GRID2: variants seen among roughly 807,000 people sequenced by gnomAD.
GRID2 encodes glutamate receptor ionotropic, delta-2.
In GRID2, 33 loss-of-function variants were observed where a neutral mutation model predicts 114.8. That is an observed-to-expected ratio of 0.29 (90% confidence interval 0.22 to 0.38). GRID2 has a LOEUF of 0.38. Ranked by LOEUF, GRID2 falls within the 10% of genes least tolerant of loss-of-function variation. The probability of loss-of-function intolerance (pLI) is 1.00; values close to 1 mark genes in which losing one functional copy is unlikely to be tolerated. For missense variants in GRID2, 1,184 were observed against 1,257.7 expected (o/e 0.94, Z 0.89); for synonymous variants, 505 against 449.9 (o/e 1.12, Z -1.55).
intron 13 of GRID2, among the ~76,000 whole-genome samples, chr4:93,593,994 G>A (rs573427484): frequency 6.6e-6 from 1 of 151,746 alleles, no homozygotes; most frequent in Non-Finnish European, 1.5e-5. Context: ...TTTGCCTTTG[G>A]TTTGAATGTC....
intron 4 of GRID2, among the ~76,000 whole-genome samples, chr4:93,116,352 AG>A (rs1733256428): frequency 6.6e-6 from 1 of 152,170 alleles, no homozygotes; most frequent in African/African-American, 2.4e-5. Context: ...CTTGACTAAA[AG>A]TTGGCTTTAT....
At chr4:93,043,856 A>G (rs1221743614) in intron 2 of GRID2, among the ~76,000 whole-genome samples, 1 of 152,106 alleles carries the variant, frequency 6.6e-6, no homozygotes, top group African/African-American at 2.4e-5. Flanking sequence ...TGGCACATGT[A>G]TACATATGTA....
chr4:93,592,331 G>A lies in GRID2; in HGVS notation c.2194-33938G>A, dbSNP rs1054934457. Among the ~76,000 whole-genome samples the A allele has an allele frequency of 2.6e-5, 4 of 152,280 alleles. No individual in the cohort carries two copies. The East Asian group carries it at 5.8e-4, about 22-fold the overall frequency. ...CGTTATGTACCCAGTAGTCATTCAG[G>A]AGGAGGTTGTTCAGTTTCCATGTAG... On this transcript the variant is annotated intron_variant, in intron 13 of 15. Coordinates refer to ENST00000282020, the MANE Select transcript of GRID2 (RefSeq NM_001510.4).
At chr4:92,482,006 AT>A (rs1722629143) in intron 1 of GRID2, among the ~76,000 whole-genome samples, 4 of 62,350 alleles carry the variant, frequency 6.4e-5, no homozygotes, top group South Asian at 1.0e-3. Context: ...ATATATATAT[AT>A]ATATATATAT....
At chr4:92,523,019 G>A (rs1724865163) in intron 1 of GRID2, among the ~76,000 whole-genome samples, 1 of 151,790 alleles carries the variant, frequency 6.6e-6, no homozygotes, top group African/African-American at 2.4e-5. Flanking sequence ...AGTTCTGAAA[G>A]AATAAAAGAC....
chr4:92,431,820 G>T (rs1230770082), intron 1 of GRID2, among the ~76,000 whole-genome samples: 1 of 152,140 alleles, frequency 6.6e-6, no homozygotes. Flanking sequence ...TGAAGAGTTA[G>T]GTATTTATTG....
chr4:92,705,568 A>G (rs1017121496), intron 2 of GRID2, among the ~76,000 whole-genome samples: 2 of 152,220 alleles, frequency 1.3e-5, no homozygotes, highest in African/African-American at 4.8e-5. Flanking sequence ...AATGTTAGAA[A>G]TAAAAAGAAA....
chr4:92,941,885 G>T (rs1218766507), intron 2 of GRID2, among the ~76,000 whole-genome samples: 1 of 152,174 alleles, frequency 6.6e-6, no homozygotes, highest in Non-Finnish European at 1.5e-5. Flanking sequence ...GGTTTTGAGT[G>T]ACTTTCTTCA....
intron 8 of GRID2, among the ~76,000 whole-genome samples, chr4:93,249,279 GT>G (rs1215185180): frequency 6.6e-6 from 1 of 152,110 alleles, no homozygotes; most frequent in Non-Finnish European, 1.5e-5. Flanking sequence ...CTGTAAACTG[GT>G]AGTATAGTTT....
chr4:93,629,476 A>T (rs1413912980), intron 14 of GRID2, among the ~76,000 whole-genome samples: 1 of 152,180 alleles, frequency 6.6e-6, no homozygotes, highest in Admixed American at 6.6e-5. Flanking sequence ...AAATTCAGAA[A>T]ATATTTGCAT....
At chr4:93,290,872 C>CT (rs56735687) in intron 8 of GRID2, among the ~76,000 whole-genome samples, 41,404 of 88,604 alleles carry the variant, frequency 0.47, 11,091 homozygotes, top group Middle Eastern at 0.69. Context: ...ATACAAGTTA[C>CT]TTTTTTTTTT....
At chr4:93,666,352 G>GA (rs980396984) in intron 14 of GRID2, among the ~76,000 whole-genome samples, 3 of 151,898 alleles carry the variant, frequency 2.0e-5, no homozygotes, top group African/African-American at 7.2e-5. Flanking sequence ...CAAAATGAAA[G>GA]AAAAAACTGG....
chr4:92,886,338 G>T (rs75258528), intron 2 of GRID2, among the ~76,000 whole-genome samples: 1 of 151,900 alleles, frequency 6.6e-6, no homozygotes, highest in Non-Finnish European at 1.5e-5. Flanking sequence ...GAAATATTGC[G>T]AGAATCACCA....
chr4:93,125,914 T>C (rs931249174), intron 4 of GRID2, among the ~76,000 whole-genome samples: 4 of 152,222 alleles, frequency 2.6e-5, no homozygotes, highest in African/African-American at 9.6e-5. Flanking sequence ...TCCTTTCTCA[T>C]GGAAGATGTC....
At chr4:93,328,686 CATGGATGGATGGATGGATGGTTGG>C (rs1208355800) in intron 8 of GRID2, among the ~76,000 whole-genome samples, 28 of 149,282 alleles carry the variant, frequency 1.9e-4, no homozygotes, top group African/African-American at 6.7e-4. Context: ...TGATTAAGTG[CATGGATGGATGGATGGATGGTTGG>C]ATGGATGGAT....
intron 9 of GRID2, among the ~76,000 whole-genome samples, chr4:93,417,385 GT>G (rs1307381231): frequency 6.6e-6 from 1 of 151,952 alleles, no homozygotes; most frequent in Non-Finnish European, 1.5e-5. Flanking sequence ...TCCATTATCT[GT>G]TTGCAGTTTA....
At chr4:92,991,206 A>C (rs192149177) in intron 2 of GRID2, among the ~76,000 whole-genome samples, 1 of 152,356 alleles carries the variant, frequency 6.6e-6, no homozygotes, top group East Asian at 1.9e-4. Flanking sequence ...TTTAAAGCTC[A>C]GAATCTTGCA....
intron 2 of GRID2, among the ~76,000 whole-genome samples, chr4:93,013,867 G>A (rs868330282): frequency 2.6e-5 from 4 of 151,748 alleles, no homozygotes; most frequent in Non-Finnish European, 5.9e-5. Flanking sequence ...TTATGAACTA[G>A]TATTTTATAA....
At chr4:92,477,055 G>A (rs1053106749) in intron 1 of GRID2, among the ~76,000 whole-genome samples, 4 of 90,538 alleles carry the variant, frequency 4.4e-5, no homozygotes, top group African/African-American at 1.6e-4. Context: ...GTGTGTGTGT[G>A]TGTGTGTGTG....
Sources: allele counts gnomAD v4.1 joint callset (sites outside exome capture counted in the v4.1 genomes callset), GRCh38; gene constraint gnomAD v4.1.1; transcripts MANE v1.5; gene names NCBI Gene and HGNC (gene_info 2026-07-23, HGNC 2026-07-21).